The following GLIS3 variants were observed in gnomAD, a reference collection of about 807,000 sequenced individuals.
GLIS3 encodes GLIS family zinc finger 3, also known as zinc finger protein GLIS3.
GLIS3 carries 53 observed loss-of-function variants against 78.6 expected under a neutral mutation model. The ratio of observed to expected loss-of-function variants is 0.67; its 90% CI spans 0.54 to 0.85. The LOEUF is 0.85. GLIS3 is among the 40% of genes least tolerant of loss of function. GLIS3 has a pLI of 0.00. For missense variants in GLIS3, 1,703 were observed against 1,231.1 expected, an observed-to-expected ratio of 1.38 and a Z score of -5.74; for synonymous variants, 684 against 509.9, an observed-to-expected ratio of 1.34 and a Z score of -4.60.
At chr9:4,086,901 G>A (rs889668993) in intron 4 of GLIS3, among the ~76,000 whole-genome samples, 4 of 152,122 alleles carry the variant, frequency 2.6e-5, no homozygotes, top group Non-Finnish European at 4.4e-5. Context: ...AACTGATAAC[G>A]GCATGATTTA....
chr9:4,118,970 G>T lies in GLIS3; in HGVS notation c.597-89C>A, dbSNP rs1831976234. ...TTAAGAGCTAAAAGAACACTGCATTGACAATCCCTTAAGTATTTCCCCTAA... is the reference window on the plus strand; with the variant it reads ...TTAAGAGCTAAAAGAACACTGCATTTACAATCCCTTAAGTATTTCCCCTAA... On this transcript the variant is annotated intron_variant, in intron 3 of 10. Transcript: ENST00000381971. The surrounding 1 kb of genome is among the most constrained non-coding windows in gnomAD (Gnocchi z 4.7). 4 of 1,334,268 alleles carry T rather than the reference G, an allele frequency of 3.0e-6. No individual in the cohort carries two copies. Among genetic ancestry groups the T allele is most frequent in the Non-Finnish European group, 4.2e-6 (4 of 962,536 alleles). The allele number at this position is 1,334,268 out of a possible 1,614,324, so 82.7% of individuals were successfully genotyped here. A position where few individuals can be genotyped will look rare whatever the true frequency, so the allele number is the denominator to read the frequency against.
At chr9:4,172,638 T>C (rs1482800073) in intron 2 of GLIS3, among the ~76,000 whole-genome samples, 3 of 152,216 alleles carry the variant, frequency 2.0e-5, no homozygotes, top group African/African-American at 4.8e-5. Context: ...TAATATTAAA[T>C]GAGGATGTGT....
chr9:4,017,337 T>A lies in GLIS3; in HGVS notation c.1711-80148A>T, dbSNP rs145374246. Among the ~76,000 whole-genome samples, 27 of 152,308 alleles carry A rather than the reference T, an allele frequency of 1.8e-4. No homozygotes were observed. In the East Asian group the frequency reaches 3.7e-3, roughly 21 times the overall value. ...AGGAATAGCAAGCAGCATGTCCTTC[T>A]TCAACCAACACAAGATGTAATTTGG... On this transcript the variant is annotated intron_variant, in intron 4 of 10. Coordinates refer to ENST00000381971, the MANE Select transcript of GLIS3 (RefSeq NM_001042413.2).
intron 2 of GLIS3, among the ~76,000 whole-genome samples, chr9:4,237,528 A>G (rs1482803253): frequency 6.6e-6 from 1 of 152,246 alleles, no homozygotes; most frequent in South Asian, 2.1e-4. Context: ...CTGAAAATCT[A>G]CAAATGGCAT....
chr9:4,054,347 AG>A (rs1231662042), intron 4 of GLIS3: 25 of 985,412 alleles, frequency 2.5e-5, no homozygotes, highest in Middle Eastern at 1.0e-3. Context: ...CACCTTTCCA[AG>A]CTCTCAAAAG....
the GLIS3 span, among the ~76,000 whole-genome samples, chr9:4,357,000 A>C: frequency 6.6e-6 from 1 of 152,248 alleles, no homozygotes; most frequent in Admixed American, 6.5e-5. Context: ...AAAGACTAGA[A>C]ATCTAAAATT....
At chr9:4,355,753 T>G in the GLIS3 span, among the ~76,000 whole-genome samples, 7 of 152,192 alleles carry the variant, frequency 4.6e-5, no homozygotes, top group East Asian at 1.9e-4. Context: ...ACACCCTGTT[T>G]CCAGCCATAG....
At chr9:4,363,452 C>G in the GLIS3 span, among the ~76,000 whole-genome samples, 1 of 151,964 alleles carries the variant, frequency 6.6e-6, no homozygotes. Context: ...TGTTTTAACA[C>G]CAAAAATCTG....
chr9:4,127,881 T>C (rs533451102), intron 2 of GLIS3, among the ~76,000 whole-genome samples: 116 of 152,280 alleles, frequency 7.6e-4, no homozygotes, highest in South Asian at 4.6e-3. Context: ...AAAACAAAGA[T>C]ATAGCAGCTG....
At chr9:4,085,312 G>A (rs1828926303) in intron 4 of GLIS3, among the ~76,000 whole-genome samples, 2 of 151,492 alleles carry the variant, frequency 1.3e-5, no homozygotes, top group Non-Finnish European at 2.9e-5. Flanking sequence ...TTTTCTAAGG[G>A]TTCTTTTTTC....
intron 6 of GLIS3, chr9:3,899,089 T>G (rs1209387687): frequency 1.9e-6 from 1 of 536,786 alleles, no homozygotes; most frequent in Non-Finnish European, 3.4e-6. Context: ...TTTCCACTTC[T>G]GGCAACTCAA....
chr9:4,366,165 C>A, the GLIS3 span, among the ~76,000 whole-genome samples: 11 of 152,270 alleles, frequency 7.2e-5, no homozygotes, highest in East Asian at 1.7e-3. Context: ...TAACTTTAAC[C>A]GTCCTTAATT....
intron 2 of GLIS3, among the ~76,000 whole-genome samples, chr9:4,129,328 G>A (rs964482623): frequency 6.6e-6 from 1 of 152,146 alleles, no homozygotes; most frequent in African/African-American, 2.4e-5. Context: ...GCCAAACAGG[G>A]ATAAAGTTAA....
chr9:4,428,363 C>G, the GLIS3 span, among the ~76,000 whole-genome samples: 1 of 151,424 alleles, frequency 6.6e-6, no homozygotes. Context: ...CCTGTAGTCC[C>G]AGATACTTGG....
At chr9:4,135,155 G>T (rs938569640) in intron 2 of GLIS3, among the ~76,000 whole-genome samples, 12 of 152,098 alleles carry the variant, frequency 7.9e-5, no homozygotes, top group Non-Finnish European at 1.6e-4. Context: ...ACATGTCAAA[G>T]CGTTGTCTAG....
intron 2 of GLIS3, among the ~76,000 whole-genome samples, chr9:4,153,992 G>A (rs903340225): frequency 6.6e-6 from 1 of 152,194 alleles, no homozygotes; most frequent in Non-Finnish European, 1.5e-5. Flanking sequence ...CATCTAAGTG[G>A]CACACTCCCG....
chr9:4,256,818 C>T (rs1447112713), intron 2 of GLIS3, among the ~76,000 whole-genome samples: 4 of 151,198 alleles, frequency 2.6e-5, no homozygotes, highest in Admixed American at 6.6e-5. Context: ...AGAGAACTAC[C>T]ATACGATCCA....
intron 4 of GLIS3, among the ~76,000 whole-genome samples, chr9:4,022,241 A>G (rs928106790): frequency 6.6e-6 from 1 of 152,178 alleles, no homozygotes; most frequent in African/African-American, 2.4e-5. Flanking sequence ...GCTGATGCAC[A>G]CTGCATGGCT....
the GLIS3 span, among the ~76,000 whole-genome samples, chr9:4,360,330 C>T: frequency 6.6e-6 from 1 of 152,176 alleles, no homozygotes; most frequent in Non-Finnish European, 1.5e-5. Flanking sequence ...AGGAGAAAAA[C>T]ATGATCCATC....
Sources: allele counts gnomAD v4.1 joint callset (sites outside exome capture counted in the v4.1 genomes callset), GRCh38; gene constraint gnomAD v4.1.1; non-coding constraint Gnocchi (gnomAD v3.1); transcripts MANE v1.5; gene names NCBI Gene and HGNC (gene_info 2026-07-23, HGNC 2026-07-21).